The following HCRTR2 variants were observed in gnomAD, a reference collection of about 807,000 sequenced individuals.
The protein encoded by HCRTR2 is orexin receptor type 2.
A neutral mutation model predicts 49.0 loss-of-function variants in HCRTR2; 22 were observed. That is an observed-to-expected ratio of 0.45 (90% CI 0.32 to 0.64). The LOEUF is 0.64. HCRTR2 is among the 30% of genes least tolerant of loss of function. HCRTR2 has a pLI of 0.04. For synonymous variants in HCRTR2, 236 were observed against 205.3 expected (o/e 1.15, Z -1.28); for missense variants, 491 against 559.4 (o/e 0.88, Z 1.23).
At chr6:55,226,765 C>G in intron 1 of HCRTR2, among the ~76,000 whole-genome samples, 1 of 135,208 alleles carries the variant, frequency 7.4e-6, no homozygotes, top group East Asian at 2.1e-4. Flanking sequence ...TCGCCCAGGC[C>G]TGGAGTGCAG....
At chr6:55,167,420 C>A (rs1460557930) in intron 1 of HCRTR2, among the ~76,000 whole-genome samples, 3 of 150,078 alleles carry the variant, frequency 2.0e-5, no homozygotes, top group African/African-American at 7.3e-5. Context: ...TTTTTTTTTT[C>A]ATGTGGAAAA....
At chr6:55,163,109 G>A (rs535910063) in intron 1 of HCRTR2, among the ~76,000 whole-genome samples, 21 of 152,076 alleles carry the variant, frequency 1.4e-4, no homozygotes, top group South Asian at 6.2e-4. Flanking sequence ...GGTGGCAGGC[G>A]CCTGTAGTCC....
rs77910618 is a variant in HCRTR2 at position 55,107,152 on chromosome 6, A to G, written c.-378+607A>G. 1.6e-3 allele frequency among the ~76,000 whole-genome samples: 238 copies of G among 149,978 alleles called. 1 individual carries two copies. The highest frequency in any genetic ancestry group is 5.3e-3 in the African/African-American group (216 of 40,794). ...TAGATGTCTTGTTTGTAGGTGCAAA[A>G]TATTTTCTGGTAATTATTCTTTAAA... On this transcript the variant is annotated intron_variant, in intron 1 of 7. Transcript: ENST00000615358.
chr6:55,110,237 A>G (rs1449176234), intron 1 of HCRTR2, among the ~76,000 whole-genome samples: 6 of 152,130 alleles, frequency 3.9e-5, no homozygotes, highest in Non-Finnish European at 8.8e-5. Context: ...CTGAAACACA[A>G]ACCTCAAAAT....
At chr6:55,270,791 C>T (rs1197313988) in intron 4 of HCRTR2, among the ~76,000 whole-genome samples, 2 of 152,112 alleles carry the variant, frequency 1.3e-5, no homozygotes, top group Non-Finnish European at 2.9e-5. Context: ...TCCAAAAAAA[C>T]TCACATCTGA....
intron 1 of HCRTR2, among the ~76,000 whole-genome samples, chr6:55,240,484 A>G (rs1195705258): frequency 1.3e-5 from 2 of 152,116 alleles, no homozygotes; most frequent in South Asian, 2.1e-4. Flanking sequence ...GTTGTAAAAA[A>G]GGAAGTGGCA....
At chr6:55,193,852 G>T (rs1329669975) in intron 1 of HCRTR2, among the ~76,000 whole-genome samples, 13 of 152,042 alleles carry the variant, frequency 8.6e-5, no homozygotes, top group Admixed American at 8.5e-4. Context: ...GATACCATGG[G>T]TTTCTCTGAC....
intron 1 of HCRTR2, among the ~76,000 whole-genome samples, chr6:55,132,738 C>CCT (rs1166739188): frequency 1.5e-4 from 19 of 128,002 alleles, no homozygotes; most frequent in Middle Eastern, 4.2e-3. Context: ...TATACCTCTC[C>CCT]CTCTCTCTCT....
chr6:55,120,254 G>A (rs1764177387), intron 1 of HCRTR2, among the ~76,000 whole-genome samples: 1 of 151,856 alleles, frequency 6.6e-6, no homozygotes, highest in South Asian at 2.1e-4. Flanking sequence ...GGCTATGTGG[G>A]CCCTTTTTTG....
chr6:55,127,119 G>GA lies in HCRTR2; in HGVS notation c.-378+20583dup, dbSNP rs199716908. Among the ~76,000 whole-genome samples the GA allele has an allele frequency of 2.6e-4, 39 of 151,662 alleles. No homozygotes were observed. The East Asian group carries it at 6.2e-3, about 24-fold the overall frequency. ...CATTCCAGGCGCCACTGGGGTATGGGAAAAAAAAATTTCTGCAGCTAGTTC... is the reference window on the plus strand; with the variant it reads ...CATTCCAGGCGCCACTGGGGTATGGGAAAAAAAAAATTTCTGCAGCTAGTTC... On this transcript the variant is annotated intron_variant, in intron 1 of 7. Coordinates refer to the HCRTR2 transcript ENST00000615358.
chr6:55,192,347 A>G (rs2127279035), intron 1 of HCRTR2, among the ~76,000 whole-genome samples: 1 of 152,162 alleles, frequency 6.6e-6, no homozygotes, highest in East Asian at 1.9e-4. Context: ...TGAGCTCAGG[A>G]GTTCAAGACT....
At chr6:55,239,004 C>G (rs1046960661) in intron 1 of HCRTR2, among the ~76,000 whole-genome samples, 2 of 152,072 alleles carry the variant, frequency 1.3e-5, no homozygotes, top group Non-Finnish European at 2.9e-5. Context: ...ACTCTGAGAA[C>G]AGGGTCAAAA....
intron 1 of HCRTR2, among the ~76,000 whole-genome samples, chr6:55,199,874 A>G (rs970426766): frequency 9.2e-5 from 14 of 152,222 alleles, no homozygotes; most frequent in African/African-American, 3.4e-4. Context: ...AAAAATCTAA[A>G]TTCATCACAG....
chr6:55,274,352 A>AATATATATATTTATAT (rs1562030332), intron 4 of HCRTR2, among the ~76,000 whole-genome samples: 1 of 148,088 alleles, frequency 6.8e-6, no homozygotes, highest in Non-Finnish European at 1.5e-5. Context: ...TATTTTATGA[A>AATATATATATTTATAT]ATGTATGCCT....
chr6:55,201,538 TG>T (rs1324762954), intron 1 of HCRTR2, among the ~76,000 whole-genome samples: 2 of 152,182 alleles, frequency 1.3e-5, no homozygotes. Flanking sequence ...GGATTTTTTC[TG>T]GTGATTCTTT....
intron 1 of HCRTR2, among the ~76,000 whole-genome samples, chr6:55,193,832 T>C (rs1285770936): frequency 6.6e-6 from 1 of 152,176 alleles, no homozygotes; most frequent in Non-Finnish European, 1.5e-5. Context: ...ATTCCATTAA[T>C]GGATATGTTG....
At chr6:55,112,159 T>C (rs180840271) in intron 1 of HCRTR2, among the ~76,000 whole-genome samples, 4 of 152,062 alleles carry the variant, frequency 2.6e-5, no homozygotes, top group Admixed American at 2.6e-4. Flanking sequence ...TAATAAAAGC[T>C]ATCTATGACA....
chr6:55,190,145 G>T (rs1341274602), intron 1 of HCRTR2, among the ~76,000 whole-genome samples: 2 of 152,180 alleles, frequency 1.3e-5, no homozygotes, highest in African/African-American at 4.8e-5. Flanking sequence ...AATGTGACAA[G>T]ACCTTTTTGC....
chr6:55,139,235 G>C (rs932133585), intron 1 of HCRTR2, among the ~76,000 whole-genome samples: 1 of 152,196 alleles, frequency 6.6e-6, no homozygotes, highest in Non-Finnish European at 1.5e-5. Context: ...AGACGTGGTA[G>C]CAGCCGTTTG....
Sources: gnomAD v4.1 joint callset for allele counts (sites outside exome capture counted in the v4.1 genomes callset) on GRCh38, gnomAD v4.1.1 for gene constraint, MANE v1.5 for transcripts, NCBI Gene and HGNC (gene_info 2026-07-23, HGNC 2026-07-21) for gene names.